CNTNAP4: variants seen among roughly 807,000 people sequenced by gnomAD.
The protein encoded by CNTNAP4 is contactin associated protein family member 4, also known as contactin-associated protein-like 4.
A neutral mutation model predicts 148.4 loss-of-function variants in CNTNAP4; 98 were observed. That is an observed-to-expected ratio of 0.66 (90% CI 0.56 to 0.78). CNTNAP4 has a LOEUF of 0.78. CNTNAP4 is among the 30% of genes least tolerant of loss of function. CNTNAP4 has a pLI of 0.00. For synonymous variants in CNTNAP4, 730 were observed against 565.1 expected (o/e 1.29, Z -4.14); for missense variants, 1,935 against 1,565.6 (o/e 1.24, Z -3.98).
At chr16:76,497,616 G>C in intron 14 of CNTNAP4, among the ~76,000 whole-genome samples, 1 of 149,258 alleles carries the variant, frequency 6.7e-6, no homozygotes, top group South Asian at 2.1e-4. Context: ...AACACTGCAT[G>C]TTCTCACTCA....
intron 4 of CNTNAP4, among the ~76,000 whole-genome samples, chr16:76,446,477 A>T (rs568828659): frequency 6.6e-6 from 1 of 152,304 alleles, no homozygotes; most frequent in African/African-American, 2.4e-5. Flanking sequence ...TTCAGGTGCA[A>T]CTGATTTTGA....
At chr16:76,413,761 A>G (rs1226343858) in intron 3 of CNTNAP4, among the ~76,000 whole-genome samples, 1 of 151,308 alleles carries the variant, frequency 6.6e-6, no homozygotes. Context: ...ATAAACCTTT[A>G]AAATTTTTCT....
At chr16:76,293,431 A>G (rs1445499378) in intron 1 of CNTNAP4, among the ~76,000 whole-genome samples, 1 of 152,116 alleles carries the variant, frequency 6.6e-6, no homozygotes, top group Non-Finnish European at 1.5e-5. Context: ...CGTAATTTTA[A>G]TGATATTTTC....
intron 7 of CNTNAP4, 37 bp downstream of exon 7, chr16:76,449,895 A>T: frequency 6.5e-7 from 1 of 1,547,386 alleles, no homozygotes; most frequent in East Asian, 2.4e-5. Context: ...GTAAAACTAT[A>T]TTTCTTTTTT....
chr16:76,416,368 CTTTG>C lies in CNTNAP4; in HGVS notation c.391-11076_391-11073del, dbSNP rs767986565. The stretch of plus-strand genomic sequence containing the variant: ...GAAAACTTGCATTATTTATTTAGAT[CTTTG>C]TTTGTTTTCTAATATATGCATTTAA... On this transcript the variant is annotated intron_variant, in intron 3 of 23. Transcript: ENST00000611870. Among the ~76,000 whole-genome samples the C allele has an allele frequency of 1.0e-3, 153 of 151,244 alleles. 1 individual carries two copies. The highest frequency in any genetic ancestry group is 6.0e-4 in the Admixed American group (9 of 15,126).
At chr16:76,537,448 G>C (rs2084257439) in intron 18 of CNTNAP4, among the ~76,000 whole-genome samples, 1 of 92,572 alleles carries the variant, frequency 1.1e-5, no homozygotes, top group African/African-American at 3.2e-5. Context: ...TATTTGGTGT[G>C]TGTGTGTGAG....
chr16:76,445,046 T>C (rs2080188023), intron 4 of CNTNAP4, among the ~76,000 whole-genome samples: 1 of 152,112 alleles, frequency 6.6e-6, no homozygotes, highest in East Asian at 1.9e-4. Flanking sequence ...TCCTCAGAGC[T>C]CTCTCTTATG....
At chr16:76,367,180 T>C (rs1332226482) in intron 3 of CNTNAP4, among the ~76,000 whole-genome samples, 1 of 152,006 alleles carries the variant, frequency 6.6e-6, no homozygotes, top group Non-Finnish European at 1.5e-5. Context: ...TTGAAAAGCT[T>C]AATACATATT....
chr16:76,435,574 G>A (rs1389489788), intron 4 of CNTNAP4, among the ~76,000 whole-genome samples: 1 of 152,140 alleles, frequency 6.6e-6, no homozygotes, highest in Non-Finnish European at 1.5e-5. Context: ...AGATGCAGAT[G>A]CTGCCCTCAC....
rs144002966 is a variant in CNTNAP4 at position 76,320,497 on chromosome 16, G to A, written c.196+3974G>A. On this transcript the variant is annotated intron_variant, in intron 2 of 23. Transcript: ENST00000611870. ...GATGGGTAGGACAGATTTTGCTAAA[G>A]AGATTAGTTATGTGACTCTTGAATC... Among the ~76,000 whole-genome samples, 858 of 152,298 alleles carry A rather than the reference G, an allele frequency of 5.6e-3. 4 individuals are homozygous for A. The highest frequency in any genetic ancestry group is 0.015 in the African/African-American group (603 of 41,570).
intron 10 of CNTNAP4, among the ~76,000 whole-genome samples, chr16:76,468,452 C>T (rs911044629): frequency 2.0e-5 from 3 of 151,864 alleles, no homozygotes; most frequent in Non-Finnish European, 4.4e-5. Context: ...CCAGCCTGGG[C>T]GACAGAGCGA....
intron 2 of CNTNAP4, among the ~76,000 whole-genome samples, chr16:76,317,368 CTG>C (rs1398330123): frequency 1.4e-5 from 2 of 146,066 alleles, no homozygotes; most frequent in African/African-American, 5.0e-5. Flanking sequence ...TAAAAGGAAA[CTG>C]AAGATAATTA....
intron 3 of CNTNAP4, among the ~76,000 whole-genome samples, chr16:76,356,929 C>CT (rs764650063): frequency 6.6e-6 from 1 of 152,144 alleles, no homozygotes; most frequent in East Asian, 1.9e-4. Context: ...TAGCCCTGCT[C>CT]TTTCTCTAGA....
At chr16:76,461,525 T>C (rs1280342904) in intron 8 of CNTNAP4, among the ~76,000 whole-genome samples, 2 of 152,230 alleles carry the variant, frequency 1.3e-5, no homozygotes, top group African/African-American at 4.8e-5. Flanking sequence ...TATTCCAATA[T>C]TGTTGTAATG....
At chr16:76,309,967 G>A (rs887539296) in intron 1 of CNTNAP4, 1 of 689,186 alleles carries the variant, frequency 1.5e-6, no homozygotes, top group South Asian at 1.5e-5. Context: ...CAGCAGCATG[G>A]AAACGGACTA....
At chr16:76,479,562 A>AC (rs776449115) in intron 12 of CNTNAP4, 24 bp downstream of exon 12, 1 of 1,595,624 alleles carries the variant, frequency 6.3e-7, no homozygotes, top group Non-Finnish European at 8.5e-7. Flanking sequence ...CTTTTATTTT[A>AC]CAGTTAAATT....
chr16:76,319,270 C>T (rs1444003050), intron 2 of CNTNAP4, among the ~76,000 whole-genome samples: 2 of 151,864 alleles, frequency 1.3e-5, no homozygotes, highest in Non-Finnish European at 2.9e-5. Flanking sequence ...TGTACACCCG[C>T]GGTCCTAGCT....
chr16:76,338,749 A>G (rs1314321880), intron 2 of CNTNAP4, among the ~76,000 whole-genome samples: 1 of 152,186 alleles, frequency 6.6e-6, no homozygotes, highest in Non-Finnish European at 1.5e-5. Context: ...TGACTTTACC[A>G]GATCTTTGTA....
chr16:76,416,510 T>TG (rs1475343009), intron 3 of CNTNAP4, among the ~76,000 whole-genome samples: 1 of 67,250 alleles, frequency 1.5e-5, no homozygotes, highest in Non-Finnish European at 4.8e-5. Context: ...GAAACTTCTA[T>TG]TTTTAACTTG....
Sources: gnomAD v4.1 joint callset for allele counts (sites outside exome capture counted in the v4.1 genomes callset) on GRCh38, gnomAD v4.1.1 for gene constraint, MANE v1.5 for transcripts, NCBI Gene and HGNC (gene_info 2026-07-23, HGNC 2026-07-21) for gene names.